The following ATG7 variants were observed in gnomAD, a reference collection of about 807,000 sequenced individuals.
ATG7 encodes autophagy related 7.
Under a neutral mutation model 82.4 loss-of-function variants are expected in ATG7, and 70 were observed. The ratio of observed to expected loss-of-function variants is 0.85; its 90% CI spans 0.70 to 1.04. ATG7 has a LOEUF of 1.04. ATG7 is among the 50% of genes least tolerant of loss of function. The pLI is 0.00. For synonymous variants in ATG7, 287 were observed against 313.0 expected (o/e 0.92, Z 0.88); for missense variants, 792 against 864.3 (o/e 0.92, Z 1.05).
intron 19 of ATG7, among the ~76,000 whole-genome samples, chr3:11,392,539 G>C (rs1559526708): frequency 6.6e-6 from 1 of 151,720 alleles, no homozygotes; most frequent in African/African-American, 2.4e-5. Flanking sequence ...CCAAGAAACA[G>C]AACGATGGTA....
At chr3:11,563,102 A>G in the ATG7 span, among the ~76,000 whole-genome samples, 1 of 152,232 alleles carries the variant, frequency 6.6e-6, no homozygotes, top group African/African-American at 2.4e-5. Context: ...GAAATAAATC[A>G]TCCAAGAACA....
At chr3:11,477,637 T>C (rs2088407654) in intron 20 of ATG7, among the ~76,000 whole-genome samples, 3 of 152,226 alleles carry the variant, frequency 2.0e-5, no homozygotes, top group African/African-American at 7.2e-5. Flanking sequence ...TATTCAGAAC[T>C]CTTTCAGTTG....
At chr3:11,380,417 G>A (rs746165363) in intron 19 of ATG7, among the ~76,000 whole-genome samples, 5 of 152,156 alleles carry the variant, frequency 3.3e-5, no homozygotes, top group Admixed American at 2.6e-4. Flanking sequence ...TGAGGGTGAG[G>A]CGGCCCTGGC....
chr3:11,559,515 G>T, downstream of ATG7: 2 of 1,483,388 alleles, frequency 1.3e-6, no homozygotes, highest in Non-Finnish European at 1.8e-6. Flanking sequence ...CACCACCCCT[G>T]GGGCCCTCCC....
chr3:11,521,973 G>A lies in ATG7; in HGVS notation c.2080-32838G>A, dbSNP rs556200505. On this transcript the variant is annotated intron_variant, in intron 20 of 20. Coordinates refer to ENST00000693202, the MANE Select transcript of ATG7 (RefSeq NM_001349232.2). ...GGTATGGCACTCAACTCTTTATGCC[G>A]TTGGTCCTCACTGCAGTCCTGACGT... Among the ~76,000 whole-genome samples, 31 of 152,314 alleles carry A rather than the reference G, an allele frequency of 2.0e-4. 1 individual carries two copies. The highest frequency in any genetic ancestry group is 6.8e-3 in the Middle Eastern group (2 of 294).
chr3:11,402,868 A>T (rs189183647), intron 19 of ATG7, among the ~76,000 whole-genome samples: 1 of 152,256 alleles, frequency 6.6e-6, no homozygotes, highest in Non-Finnish European at 1.5e-5. Flanking sequence ...ACCTGGTTAC[A>T]TAGACTTACC....
intron 20 of ATG7, among the ~76,000 whole-genome samples, chr3:11,469,941 A>C (rs1163733424): frequency 2.2e-5 from 3 of 133,574 alleles, no homozygotes; most frequent in African/African-American, 8.5e-5. Context: ...AGTGAGTGAG[A>C]TTGTGCCATT....
At chr3:11,497,533 CAAAAAAA>C (rs760302631) in intron 20 of ATG7, among the ~76,000 whole-genome samples, 53 of 77,408 alleles carry the variant, frequency 6.8e-4, no homozygotes, top group Admixed American at 1.2e-3. Flanking sequence ...GAGACTCCAC[CAAAAAAA>C]AAAAAAAAAA....
chr3:11,532,850 G>A (rs2092718902), intron 20 of ATG7, among the ~76,000 whole-genome samples: 1 of 152,258 alleles, frequency 6.6e-6, no homozygotes, highest in Non-Finnish European at 1.5e-5. Context: ...AATGCAATCA[G>A]CAGTTGGTAA....
intron 20 of ATG7, among the ~76,000 whole-genome samples, chr3:11,442,582 G>A (rs2084082468): frequency 6.6e-6 from 1 of 151,554 alleles, no homozygotes; most frequent in Admixed American, 6.6e-5. Flanking sequence ...GCAATAGGTG[G>A]TTTCATTGTA....
At chr3:11,344,741 G>A (rs781664351) in intron 13 of ATG7, among the ~76,000 whole-genome samples, 1 of 152,052 alleles carries the variant, frequency 6.6e-6, no homozygotes, top group Non-Finnish European at 1.5e-5. Context: ...GTAGTGGCGC[G>A]TGCCTGTAGT....
intron 20 of ATG7, among the ~76,000 whole-genome samples, chr3:11,471,292 C>T (rs2087489253): frequency 6.6e-6 from 1 of 152,208 alleles, no homozygotes; most frequent in African/African-American, 2.4e-5. Context: ...ACTCCTCACA[C>T]TTCTGCCTGG....
At chr3:11,447,865 C>T (rs2454510) in intron 20 of ATG7, among the ~76,000 whole-genome samples, 46,933 of 152,000 alleles carry the variant, frequency 0.31, 8,098 homozygotes, top group African/African-American at 0.43. Context: ...CAGAACTACA[C>T]GGTTGGAGTG....
At chr3:11,449,926 G>A (rs141954181) in intron 20 of ATG7, among the ~76,000 whole-genome samples, 70 of 152,366 alleles carry the variant, frequency 4.6e-4, no homozygotes, top group African/African-American at 1.5e-3. Flanking sequence ...TGGAGTTGAA[G>A]TAAATTCAAC....
At chr3:11,387,544 G>A (rs899657352) in intron 19 of ATG7, among the ~76,000 whole-genome samples, 9 of 152,128 alleles carry the variant, frequency 5.9e-5, no homozygotes, top group African/African-American at 2.2e-4. Context: ...TCAGGGTATT[G>A]AAAAATTGGG....
rs533474752 is a variant in ATG7 at position 11,368,969 on chromosome 3, A to G, written c.1875+4235A>G. Among the ~76,000 whole-genome samples, 8 of 151,046 alleles carry G rather than the reference A, an allele frequency of 5.3e-5. 1 individual carries two copies. The South Asian group carries it at 1.5e-3, about 28-fold the overall frequency. On this transcript the variant is annotated intron_variant, in intron 18 of 20. Coordinates refer to ENST00000693202, the MANE Select transcript of ATG7 (RefSeq NM_001349232.2). ...CCCCAGGGTTTTCTCAGCTTCATGA[A>G]TTCTTTTAGCTTCAGAAAAGTAATA... is the stretch of plus-strand genomic sequence containing the variant.
intron 6 of ATG7, among the ~76,000 whole-genome samples, chr3:11,307,692 G>A (rs1042855561): frequency 2.6e-5 from 4 of 152,126 alleles, no homozygotes; most frequent in Admixed American, 1.3e-4. Flanking sequence ...TCTTTCCTTT[G>A]CTTCTTTACA....
chr3:11,337,760 T>TA (rs958307955), intron 11 of ATG7, among the ~76,000 whole-genome samples: 34 of 152,040 alleles, frequency 2.2e-4, no homozygotes, highest in Non-Finnish European at 7.4e-5. Context: ...GCCTCCCAAG[T>TA]AGCTGGGACT....
chr3:11,509,331 C>T (rs868415364), intron 20 of ATG7, among the ~76,000 whole-genome samples: 1 of 151,998 alleles, frequency 6.6e-6, no homozygotes, highest in African/African-American at 2.4e-5. Flanking sequence ...GGCCCTCATG[C>T]ATGCACATTT....
Sources: gnomAD v4.1 joint callset for allele counts (sites outside exome capture counted in the v4.1 genomes callset) on GRCh38, gnomAD v4.1.1 for gene constraint, MANE v1.5 for transcripts, NCBI Gene and HGNC (gene_info 2026-07-23, HGNC 2026-07-21) for gene names.